ZNF337: variants seen among roughly 807,000 people sequenced by gnomAD.
ZNF337 encodes zinc finger protein 337.
A neutral mutation model predicts 12.1 loss-of-function variants in ZNF337; 8 were observed. The ratio of observed to expected loss-of-function variants is 0.66; its 90% CI spans 0.39 to 1.19. The LOEUF (loss-of-function observed/expected upper bound fraction) is 1.19, where lower values mean the gene tolerates loss of function less well. Among genes scored for constraint, ZNF337 ranks in the 50% most tolerant of loss-of-function variants. ZNF337 has a pLI of 0.01. For synonymous variants in ZNF337, 336 were observed against 320.0 expected (o/e 1.05, Z -0.53); for missense variants, 882 against 896.6 (o/e 0.98, Z 0.21).
rs528697699 is a variant in ZNF337 at position 25,689,101 on chromosome 20, C to A, written c.-49-2635G>T. ...GCAGTGAGCCGAGATCGCGCCACTG[C>A]GCTCCAGCCTGAGCAAGAGTGAGAC... On this transcript the variant is annotated intron_variant, in intron 1 of 4. Transcript: ENST00000252979. Among the ~76,000 whole-genome samples the A allele has an allele frequency of 5.1e-3, 743 of 147,018 alleles. 7 individuals are homozygous for A. Among genetic ancestry groups the A allele is most frequent in the African/African-American group, 0.018 (711 of 39,372 alleles).
rs1179616331 is a variant in ZNF337, at chr20:25,674,350, G to T, written c.*682C>A. Reference sequence around the variant, plus strand: ...TGCCTTCATGCTGCATCTTTTGGAAGGGAGGAGCATTGTGTCCTCACAGAG... The same window carrying T: ...TGCCTTCATGCTGCATCTTTTGGAATGGAGGAGCATTGTGTCCTCACAGAG... On this transcript the variant is annotated 3_prime_UTR_variant, in exon 5 of 5. Coordinates refer to ENST00000252979, the MANE Select transcript of ZNF337 (RefSeq NM_015655.4). 3 of 151,808 alleles carry T rather than the reference G, an allele frequency of 2.0e-5. No homozygotes were observed. Among genetic ancestry groups the T allele is most frequent in the African/African-American group, 7.3e-5 (3 of 41,094 alleles). The allele number at this position is 151,808 out of a possible 1,614,324, so 9.4% of individuals were successfully genotyped here.
At chr20:25,677,243 G>A in intron 4 of ZNF337, 1 of 509,274 alleles carries the variant, frequency 2.0e-6, no homozygotes, top group Non-Finnish European at 3.4e-6. Context: ...GCATTATCCT[G>A]ATACCAAAAC....
intron 4 of ZNF337, among the ~76,000 whole-genome samples, chr20:25,683,229 AATC>A (rs3063022): frequency 0.44 from 64,549 of 148,212 alleles, 15,151 homozygotes; most frequent in Middle Eastern, 0.55. Flanking sequence ...TAGAGGTAAG[AATC>A]ATCATCATCA....
intron 1 of ZNF337, among the ~76,000 whole-genome samples, chr20:25,694,998 CGGTG>C (rs2065908880): frequency 6.6e-6 from 1 of 152,126 alleles, no homozygotes; most frequent in African/African-American, 2.4e-5. Context: ...GCCTGACGCG[CGGTG>C]GCTCACGCCT....
intron 1 of ZNF337, among the ~76,000 whole-genome samples, chr20:25,696,043 T>A (rs2065922729): frequency 7.8e-6 from 1 of 128,046 alleles, no homozygotes; most frequent in South Asian, 2.6e-4. Context: ...GCCACCTGGG[T>A]CCCCACAGCC....
At chr20:25,678,480 C>A (rs2065732646) in intron 4 of ZNF337, among the ~76,000 whole-genome samples, 1 of 152,064 alleles carries the variant, frequency 6.6e-6, no homozygotes, top group African/African-American at 2.4e-5. Flanking sequence ...TATTAAAATA[C>A]CAGTGATATT....
intron 1 of ZNF337, among the ~76,000 whole-genome samples, chr20:25,688,644 A>G (rs1460507725): frequency 6.6e-6 from 1 of 152,222 alleles, no homozygotes; most frequent in African/African-American, 2.4e-5. Flanking sequence ...AATGTTATCA[A>G]GTATTTTTCT....
At chr20:25,696,379 G>A (rs1465555326) in intron 1 of ZNF337, among the ~76,000 whole-genome samples, 1 of 151,876 alleles carries the variant, frequency 6.6e-6, no homozygotes, top group African/African-American at 2.4e-5. Flanking sequence ...CTCCACCTCC[G>A]GCCAAAAGAC....
intron 3 of ZNF337, 100 bp from the exon 4 acceptor site, chr20:25,685,762 G>C (rs2065825226): frequency 3.2e-6 from 4 of 1,241,356 alleles, no homozygotes; most frequent in South Asian, 2.5e-5. Context: ...AGAATCAGAG[G>C]GGGAAGGCTC....
chr20:25,678,310 G>C (rs1414063931), intron 4 of ZNF337, among the ~76,000 whole-genome samples: 4 of 151,942 alleles, frequency 2.6e-5, no homozygotes, highest in Admixed American at 6.6e-5. Context: ...AAAAGTATAT[G>C]AATAAACAAC....
At chr20:25,688,948 G>A (rs1217084337) in intron 1 of ZNF337, among the ~76,000 whole-genome samples, 3 of 152,030 alleles carry the variant, frequency 2.0e-5, no homozygotes, top group South Asian at 2.1e-4. Flanking sequence ...GGCTAACACC[G>A]TGAAACCCGT....
At chr20:25,677,430 A>G (rs748651328) in intron 4 of ZNF337, 17 of 168,074 alleles carry the variant, frequency 1.0e-4, no homozygotes, top group African/African-American at 1.4e-4. Context: ...TACACAAATC[A>G]ATACTTGTGA....
Position 25,675,416 on chromosome 20 carries a change from G to T in ZNF337, c.1872C>A (p.Gly624=). The part of the protein sequence containing the change: ...NLVKHQLAHS[G]KQPFVCKECG... ...ACTCCTTGCATACAAAAGGCTGCTTGCCAGAATGTGCAAGCTGGTGTTTCA... is the reference window on the plus strand; with the variant it reads ...ACTCCTTGCATACAAAAGGCTGCTTTCCAGAATGTGCAAGCTGGTGTTTCA... Residue 624 remains glycine (G), a synonymous_variant, in exon 5 of 5, where the codon GGC becomes GGA. Coordinates refer to ENST00000252979, the MANE Select transcript of ZNF337 (RefSeq NM_015655.4). 1 of 1,610,316 alleles carries T rather than the reference G, an allele frequency of 6.2e-7. No individual in the cohort carries two copies. Among genetic ancestry groups the T allele is most frequent in the South Asian group, 1.1e-5 (1 of 90,550 alleles).
chr20:25,676,273 T>G lies in ZNF337; in HGVS notation c.1015A>C (p.Lys339Gln). 1 of 1,607,830 alleles carries G rather than the reference T, an allele frequency of 6.2e-7. No individual in the cohort carries two copies. The highest frequency in any genetic ancestry group is 8.5e-7 in the Non-Finnish European group (1 of 1,178,138). ...YTNKSYFVVH[K>Q]RIHSGEKPYR... ...GGCTTCTCTCCTGAGTGTATTCTCT[T>G]GTGCACAACGAAGTATGACTTATTA... Residue 339 changes from lysine to glutamine, a missense_variant, in exon 5 of 5, where the codon AAG becomes CAG. Coordinates refer to ENST00000252979, the MANE Select transcript of ZNF337 (RefSeq NM_015655.4).
At chr20:25,694,591 C>G (rs148202547) in intron 1 of ZNF337, among the ~76,000 whole-genome samples, 2,749 of 152,254 alleles carry the variant, frequency 0.018, 36 homozygotes, top group Middle Eastern at 0.058. Context: ...TGCTGTTACT[C>G]CCACTCCAAT....
chr20:25,679,677 C>T (rs564415110), intron 4 of ZNF337, among the ~76,000 whole-genome samples: 1 of 151,756 alleles, frequency 6.6e-6, no homozygotes, highest in South Asian at 2.1e-4. Flanking sequence ...GGCAAAGATG[C>T]AGAAAAAAGG....
intron 4 of ZNF337, among the ~76,000 whole-genome samples, chr20:25,682,066 T>C (rs1353985688): frequency 6.6e-6 from 1 of 152,078 alleles, no homozygotes. Flanking sequence ...TGTTCAACAT[T>C]TGCTTCACAA....
chr20:25,691,225 TA>T, intron 1 of ZNF337, among the ~76,000 whole-genome samples: 1 of 151,982 alleles, frequency 6.6e-6, no homozygotes, highest in Admixed American at 6.5e-5. Context: ...GCAGAAGAAA[TA>T]ATCAGTAAAC....
intron 2 of ZNF337, 133 bp downstream of exon 2, chr20:25,686,257 AC>A (rs1274160345): frequency 4.7e-6 from 7 of 1,501,150 alleles, no homozygotes; most frequent in Non-Finnish European, 6.4e-6. Flanking sequence ...CTGCTGGAGG[AC>A]GCCAGGAAAG....
Sources: allele counts gnomAD v4.1 joint callset (sites outside exome capture counted in the v4.1 genomes callset), GRCh38; gene constraint gnomAD v4.1.1; transcripts MANE v1.5; gene names NCBI Gene and HGNC (gene_info 2026-07-23, HGNC 2026-07-21).